Variants in APOBEC3C observed in about 807,000 individuals in gnomAD.
APOBEC3C encodes the protein apolipoprotein B mRNA editing enzyme catalytic subunit 3C.
In APOBEC3C, 14 loss-of-function variants were observed where a neutral mutation model predicts 20.6. The ratio of observed to expected loss-of-function variants is 0.68; its 90% CI spans 0.45 to 1.06. APOBEC3C has a LOEUF of 1.06. Ranked by LOEUF, APOBEC3C falls within the 50% of genes least tolerant of loss-of-function variation. The pLI is 0.00. For synonymous variants in APOBEC3C, 98 were observed against 88.8 expected (o/e 1.10, Z -0.58); for missense variants, 244 against 241.9 (o/e 1.01, Z -0.06).
rs1455402004 is a variant in APOBEC3C at position 39,020,332 on chromosome 22, A to G, written c.*1945A>G. On this transcript the variant is annotated 3_prime_UTR_variant, in exon 4 of 4. Transcript: ENST00000361441. The stretch of plus-strand genomic sequence containing the variant: ...CAGGCTGTCACCCTTAACAAGAAAT[A>G]AAGTGTCCTTTGCAAATGCATCCCT... 2.0e-5 allele frequency: 3 copies of G among 152,256 alleles called. No individual in the cohort carries two copies. Among genetic ancestry groups the G allele is most frequent in the African/African-American group, 7.2e-5 (3 of 41,454 alleles). The allele number at this position is 152,256 out of a possible 1,614,324, so 9.4% of individuals were successfully genotyped here. A position where few individuals can be genotyped will look rare whatever the true frequency, so the allele number is the denominator to read the frequency against.
chr22:39,016,342 G>C (rs763458745), intron 2 of APOBEC3C, among the ~76,000 whole-genome samples: 1 of 151,040 alleles, frequency 6.6e-6, no homozygotes, highest in Non-Finnish European at 1.5e-5. Flanking sequence ...TGGGACTACA[G>C]GCGCCCACCA....
intron 2 of APOBEC3C, among the ~76,000 whole-genome samples, chr22:39,017,415 A>G (rs1425047204): frequency 6.6e-6 from 1 of 152,118 alleles, no homozygotes; most frequent in Non-Finnish European, 1.5e-5. Context: ...AGGCAGGAGG[A>G]TCGCTTGAGC....
rs1448686122 is a variant in APOBEC3C at position 39,017,787 on chromosome 22, C to T, written c.196C>T (p.His66Tyr). 9.3e-6 allele frequency: 15 copies of T among 1,613,638 alleles called. No homozygotes were observed. The highest frequency in any genetic ancestry group is 1.3e-5 in the Non-Finnish European group (15 of 1,179,584). The change falls in exon 3 of 4, where the codon CAT becomes TAT. Residue 66 changes from histidine to tyrosine, a missense_variant. Coordinates refer to ENST00000361441, the MANE Select transcript of APOBEC3C (RefSeq NM_014508.3). Reference sequence around the variant, plus strand: ...CCAGGTGGATTCTGAGACCCATTGTCATGCAGAAAGGTGCTTCCTCTCTTG... The same window carrying T: ...CCAGGTGGATTCTGAGACCCATTGTTATGCAGAAAGGTGCTTCCTCTCTTG... ...RNQVDSETHC[H>Y]AERCFLSWFC...
At chr22:39,016,239 G>A (rs143574259) in intron 2 of APOBEC3C, among the ~76,000 whole-genome samples, 4,363 of 91,166 alleles carry the variant, frequency 0.048, 237 homozygotes, top group African/African-American at 0.17. Context: ...TTGCTCTATC[G>A]CCCAGGCTGG....
chr22:39,015,632 T>C lies in APOBEC3C; in HGVS notation c.55T>C (p.Phe19Leu), dbSNP rs1221431519. Residue 19 changes from phenylalanine to leucine, a missense_variant, in exon 2 of 4, where the codon TTC (phenylalanine) becomes CTC (leucine). Physicochemically the swap from Phe to Leu is conservative, Grantham distance 22. Transcript: ENST00000361441. Reference protein sequence around the residue: ...MKAMYPGTFYFQFKNLWEAND... With the variant: ...MKAMYPGTFYLQFKNLWEAND... ...GGCAATGTATCCAGGCACATTCTACTTCCAATTTAAAAACCTATGGGAAGC... is the reference window on the plus strand; with the variant it reads ...GGCAATGTATCCAGGCACATTCTACCTCCAATTTAAAAACCTATGGGAAGC... The C allele has an allele frequency of 1.2e-6, 2 of 1,613,996 alleles. No individual in the cohort carries two copies. Among genetic ancestry groups the C allele is most frequent in the East Asian group, 2.2e-5 (1 of 44,890 alleles).
At position 39,017,867 on chromosome 22, in the gene APOBEC3C, A is replaced by G. The variant is rs1924852072; in HGVS notation, c.276A>G (p.Thr92=). Reference sequence around the variant, plus strand: ...CAAAGTACCAGGTCACCTGGTACACATCTTGGAGCCCTTGCCCAGACTGTG... The same window carrying G: ...CAAAGTACCAGGTCACCTGGTACACGTCTTGGAGCCCTTGCCCAGACTGTG... ...PNTKYQVTWY[T]SWSPCPDCAG... is the part of the protein sequence containing the mutation. Residue 92 remains threonine (T), a synonymous_variant, in exon 3 of 4, where the codon ACA becomes ACG. Transcript: ENST00000361441. The G allele has an allele frequency of 1.2e-6, 2 of 1,614,118 alleles. No homozygotes were observed. The highest frequency in any genetic ancestry group is 1.7e-6 in the Non-Finnish European group (2 of 1,180,006).
Position 39,014,390 on chromosome 22 carries a change from A to G in APOBEC3C, c.17+11A>G. The G allele has an allele frequency of 6.2e-7, 1 of 1,614,066 alleles. No individual in the cohort carries two copies. On this transcript the variant is annotated intron_variant, in intron 1 of 3. Coordinates refer to ENST00000361441, the MANE Select transcript of APOBEC3C (RefSeq NM_014508.3). ...GAATCCACAGATCAGGTACCTCTGC[A>G]CGCTTTGTCCGCCAGGCCCCTCCTG...
At position 39,017,987 on chromosome 22, in the gene APOBEC3C, G is replaced by A. The variant is rs545725476; in HGVS notation, c.396G>A (p.Gln132=). 1 of 1,614,228 alleles carries A rather than the reference G, an allele frequency of 6.2e-7. No homozygotes were observed. Among genetic ancestry groups the A allele is most frequent in the South Asian group, 1.1e-5 (1 of 91,092 alleles). ...RLYYFQYPCY[Q]EGLRSLSQEG... ...ACTACTTCCAGTATCCATGTTACCA[G>A]GAGGGGCTCCGCAGCCTGAGTCAGG... The change falls in exon 3 of 4, where the codon CAG becomes CAA. Residue 132 remains glutamine (Q), a synonymous_variant. Transcript: ENST00000361441.
rs1163956876 is a variant in APOBEC3C at position 39,019,484 on chromosome 22, G to T, written c.*1097G>T. 6.6e-6 allele frequency: 1 copy of T among 152,174 alleles called. No individual in the cohort carries two copies. Among genetic ancestry groups the T allele is most frequent in the Non-Finnish European group, 1.5e-5 (1 of 68,042 alleles). 9.4% of individuals were successfully genotyped at this position (152,174 alleles called of 1,614,324 possible). A position where few individuals can be genotyped will look rare whatever the true frequency, so the allele number is the denominator to read the frequency against. ...TTGCAAATGAAATATGAAATTTAGAGGCTCTTCTAAACACTTTAAATTTGA... is the reference window on the plus strand; with the variant it reads ...TTGCAAATGAAATATGAAATTTAGATGCTCTTCTAAACACTTTAAATTTGA... On this transcript the variant is annotated 3_prime_UTR_variant, in exon 4 of 4. Transcript: ENST00000361441.
rs764652008 is a variant in APOBEC3C at position 39,017,748 on chromosome 22, C to T, written c.175-18C>T. On this transcript the variant is annotated intron_variant, in intron 2 of 3. Coordinates refer to ENST00000361441, the MANE Select transcript of APOBEC3C (RefSeq NM_014508.3). Reference sequence around the variant, plus strand: ...TCCTGGTCTGAGCTCCCCTGTCCTCCTCCTCCTCCTTCGCCAGGTGGATTC... The same window carrying T: ...TCCTGGTCTGAGCTCCCCTGTCCTCTTCCTCCTCCTTCGCCAGGTGGATTC... 1 of 1,608,844 alleles carries T rather than the reference C, an allele frequency of 6.2e-7. No homozygotes were observed. Among genetic ancestry groups the T allele is most frequent in the Admixed American group, 1.7e-5 (1 of 59,900 alleles).
rs1306379888 is a variant in APOBEC3C, at chr22:39,015,770, T to C, written c.174+19T>C. On this transcript the variant is annotated intron_variant, in intron 2 of 3. Transcript: ENST00000361441. ...AAACCAGGTAGCACCAAAGTCCTAG[T>C]TACACCCTAAATAGGAGCTAAGCAG... The C allele has an allele frequency of 6.2e-7, 1 of 1,610,484 alleles. No homozygotes were observed. The highest frequency in any genetic ancestry group is 2.2e-5 in the East Asian group (1 of 44,820).
intron 1 of APOBEC3C, among the ~76,000 whole-genome samples, 200 bp from the exon 2 acceptor site, chr22:39,015,395 T>C (rs1273551470): frequency 3.3e-5 from 5 of 151,904 alleles, no homozygotes; most frequent in Admixed American, 3.3e-4. Context: ...ACCCCGGCCC[T>C]GCTGCCCCTG....
chr22:39,016,022 C>G (rs1044425199), intron 2 of APOBEC3C, among the ~76,000 whole-genome samples: 1 of 151,776 alleles, frequency 6.6e-6, no homozygotes, highest in African/African-American at 2.4e-5. Context: ...ATTACAGGCA[C>G]CTGCCACCAT....
intron 1 of APOBEC3C, 41 bp downstream of exon 1, chr22:39,014,420 T>A: frequency 6.2e-7 from 1 of 1,613,432 alleles, no homozygotes; most frequent in Non-Finnish European, 8.5e-7. Context: ...CTCCTGCCAC[T>A]TCCTGCCAGG....
At position 39,019,579 on chromosome 22, in the gene APOBEC3C, G is replaced by A. The variant is rs909852296; in HGVS notation, c.*1192G>A. 1 of 152,062 alleles carries A rather than the reference G, an allele frequency of 6.6e-6. No homozygotes were observed. The highest frequency in any genetic ancestry group is 2.4e-5 in the African/African-American group (1 of 41,392). The allele number at this position is 152,062 out of a possible 1,614,324, so 9.4% of individuals were successfully genotyped here. Reference sequence around the variant, plus strand: ...TCCATAAAAATGACCCTTTCATGCTGTGGCCTCCATAGAAGATGTCCCAGG... The same window carrying A: ...TCCATAAAAATGACCCTTTCATGCTATGGCCTCCATAGAAGATGTCCCAGG... On this transcript the variant is annotated 3_prime_UTR_variant, in exon 4 of 4. Coordinates refer to ENST00000361441, the MANE Select transcript of APOBEC3C (RefSeq NM_014508.3).
rs2146310489 is a variant in APOBEC3C at position 39,015,586 on chromosome 22, T to C, written c.18-9T>C. 6.2e-7 allele frequency: 1 copy of C among 1,613,506 alleles called. No homozygotes were observed. Among genetic ancestry groups the C allele is most frequent in the African/African-American group, 1.3e-5 (1 of 75,034 alleles). On this transcript the variant is annotated splice_polypyrimidine_tract_variant and intron_variant, in intron 1 of 3. Coordinates refer to ENST00000361441, the MANE Select transcript of APOBEC3C (RefSeq NM_014508.3). Reference sequence around the variant, plus strand: ...TCTCTGCATTGGGGTTTCTCTCTTGTGCCTTCAGAAACCCGATGAAGGCAA... The same window carrying C: ...TCTCTGCATTGGGGTTTCTCTCTTGCGCCTTCAGAAACCCGATGAAGGCAA...
Position 39,014,374 on chromosome 22 carries a change from G to A in APOBEC3C, c.12G>A (p.Gln4=), listed in dbSNP as rs372395117. 2 of 1,614,088 alleles carry A rather than the reference G, an allele frequency of 1.2e-6. No homozygotes were observed. Among genetic ancestry groups the A allele is most frequent in the Non-Finnish European group, 1.7e-6 (2 of 1,180,032 alleles). Residue 4 remains glutamine (Q), a synonymous_variant, in exon 1 of 4, where the codon CAG becomes CAA. Coordinates refer to ENST00000361441, the MANE Select transcript of APOBEC3C (RefSeq NM_014508.3). The part of the protein sequence containing the change: MNP[Q]IRNPMKAMYP... The stretch of plus-strand genomic sequence containing the variant: ...CTAAGAGGCTGAACATGAATCCACA[G>A]ATCAGGTACCTCTGCACGCTTTGTC...
Position 39,019,128 on chromosome 22 carries a change from G to A in APOBEC3C, c.*741G>A, listed in dbSNP as rs57453087. On this transcript the variant is annotated 3_prime_UTR_variant, in exon 4 of 4. Coordinates refer to ENST00000361441, the MANE Select transcript of APOBEC3C (RefSeq NM_014508.3). ...TCATGTCCTACCCAGCTAAAACAGA[G>A]GCCAGGAGCCAGGGAGGAAAAGCAG... 564 of 152,326 alleles carry A rather than the reference G, an allele frequency of 3.7e-3. 3 individuals carry two copies. The highest frequency in any genetic ancestry group is 0.013 in the African/African-American group (544 of 41,566). 9.4% of individuals were successfully genotyped at this position (152,326 alleles called of 1,614,324 possible).
At chr22:39,014,554 C>T (rs923151410) in intron 1 of APOBEC3C, among the ~76,000 whole-genome samples, 175 bp downstream of exon 1, 4 of 151,650 alleles carry the variant, frequency 2.6e-5, no homozygotes, top group African/African-American at 4.9e-5. Context: ...TGTGGTCCCA[C>T]GACTGCTGCT....
Sources: allele counts gnomAD v4.1 joint callset (sites outside exome capture counted in the v4.1 genomes callset), GRCh38; gene constraint gnomAD v4.1.1; transcripts MANE v1.5; gene names NCBI Gene and HGNC (gene_info 2026-07-23, HGNC 2026-07-21).